Variants in EYS observed in about 807,000 individuals in gnomAD.
EYS encodes protein eyes shut homolog.
In EYS, 250 loss-of-function variants were observed where a neutral mutation model predicts 282.1. The ratio of observed to expected loss-of-function variants is 0.89; its 90% confidence interval spans 0.80 to 0.98. The LOEUF is 0.98. Ranked by LOEUF, EYS falls within the 50% of genes least tolerant of loss-of-function variation. The pLI is 0.00. For missense variants in EYS, 4,016 were observed against 3,709.0 expected (o/e 1.08, Z -2.15); for synonymous variants, 1,355 against 1,282.9 (o/e 1.06, Z -1.20).
At chr6:64,283,735 C>G (rs1031425654) in intron 30 of EYS, among the ~76,000 whole-genome samples, 9 of 152,102 alleles carry the variant, frequency 5.9e-5, no homozygotes, top group Non-Finnish European at 1.3e-4. Flanking sequence ...ATTGGATTTA[C>G]AGTTCCACAT....
chr6:64,664,224 A>C (rs1275200353), intron 22 of EYS, among the ~76,000 whole-genome samples: 2 of 152,172 alleles, frequency 1.3e-5, no homozygotes, highest in Admixed American at 1.3e-4. Context: ...CCCACTCCCC[A>C]CTTAATGGCT....
chr6:64,004,327 T>C (rs1169269651), intron 33 of EYS, among the ~76,000 whole-genome samples: 1 of 152,136 alleles, frequency 6.6e-6, no homozygotes, highest in African/African-American at 2.4e-5. Flanking sequence ...TATGCTTTTA[T>C]AACTTTTCCC....
intron 29 of EYS, among the ~76,000 whole-genome samples, chr6:64,346,038 A>C (rs1771377357): frequency 6.6e-6 from 1 of 152,102 alleles, no homozygotes; most frequent in Non-Finnish European, 1.5e-5. Context: ...TGATCATTAA[A>C]AAGTCAGGAA....
chr6:64,254,969 C>G (rs1460239511), intron 30 of EYS, among the ~76,000 whole-genome samples: 1 of 151,998 alleles, frequency 6.6e-6, no homozygotes, highest in Non-Finnish European at 1.5e-5. Flanking sequence ...ATGACTTGAC[C>G]TACCCAGAAA....
At chr6:64,645,251 A>G (rs551748010) in intron 22 of EYS, among the ~76,000 whole-genome samples, 176 of 152,352 alleles carry the variant, frequency 1.2e-3, no homozygotes, top group African/African-American at 4.1e-3. Flanking sequence ...TGAAAATCAG[A>G]CACTGGAGCA....
At chr6:64,165,867 T>C (rs1245380449) in intron 31 of EYS, among the ~76,000 whole-genome samples, 1 of 152,198 alleles carries the variant, frequency 6.6e-6, no homozygotes, top group Non-Finnish European at 1.5e-5. Context: ...GCAATGTTTA[T>C]ATAAGGCATT....
At chr6:65,294,783 T>A (rs1363723035) in intron 12 of EYS, among the ~76,000 whole-genome samples, 12 of 151,944 alleles carry the variant, frequency 7.9e-5, no homozygotes, top group Admixed American at 7.9e-4. Context: ...AAAGAAATGA[T>A]ATATATCTAT....
At chr6:64,392,897 A>T (rs1012297593) in intron 28 of EYS, among the ~76,000 whole-genome samples, 10 of 151,968 alleles carry the variant, frequency 6.6e-5, no homozygotes, top group African/African-American at 2.4e-4. Context: ...TAATAAAGAA[A>T]AAAAGAGAGA....
chr6:64,742,560 T>C (rs1215306497), intron 22 of EYS, among the ~76,000 whole-genome samples: 3 of 152,154 alleles, frequency 2.0e-5, no homozygotes, highest in Non-Finnish European at 4.4e-5. Context: ...GAGTAGAATT[T>C]ATGTTAAATG....
At chr6:65,484,624 T>C (rs976425315) in intron 5 of EYS, among the ~76,000 whole-genome samples, 2 of 152,206 alleles carry the variant, frequency 1.3e-5, no homozygotes, top group Non-Finnish European at 2.9e-5. Flanking sequence ...CTAATAATGC[T>C]ACTCTTCCAG....
At chr6:65,021,431 G>A (rs1318157252) in intron 13 of EYS, among the ~76,000 whole-genome samples, 1 of 152,138 alleles carries the variant, frequency 6.6e-6, no homozygotes, top group African/African-American at 2.4e-5. Flanking sequence ...GACCACCTCA[G>A]CCTCAACTTT....
chr6:65,563,027 G>T (rs1224772522), intron 2 of EYS, among the ~76,000 whole-genome samples: 1 of 152,098 alleles, frequency 6.6e-6, no homozygotes, highest in African/African-American at 2.4e-5. Context: ...AACACTTACA[G>T]AATTCATACA....
intron 5 of EYS, among the ~76,000 whole-genome samples, chr6:65,407,774 TG>T (rs1766816311): frequency 6.6e-6 from 1 of 151,336 alleles, no homozygotes; most frequent in African/African-American, 2.4e-5. Flanking sequence ...TGTGTGTGTG[TG>T]TGTGTGTGTG....
intron 1 of EYS, among the ~76,000 whole-genome samples, chr6:65,674,845 C>T (rs922947269): frequency 1.2e-4 from 18 of 151,816 alleles, no homozygotes; most frequent in African/African-American, 4.1e-4. Context: ...TCCTTCAATA[C>T]TATAATGGTA....
At chr6:64,764,576 G>A (rs1773263603) in intron 22 of EYS, among the ~76,000 whole-genome samples, 1 of 152,186 alleles carries the variant, frequency 6.6e-6, no homozygotes, top group Admixed American at 6.5e-5. Flanking sequence ...TGCCCTGGAG[G>A]CATTCTCCCT....
rs138304531 is a variant in EYS at position 64,350,438 on chromosome 6, A to G, written c.6078+38252T>C. Reference sequence around the variant, plus strand: ...TACAGTAATTCCTTGTTAACCCACTATCCAGTTATTGCAAATAATTTTGAT... The same window carrying G: ...TACAGTAATTCCTTGTTAACCCACTGTCCAGTTATTGCAAATAATTTTGAT... On this transcript the variant is annotated intron_variant, in intron 29 of 42. Transcript: ENST00000503581. 1.9e-3 allele frequency among the ~76,000 whole-genome samples: 271 copies of G among 141,574 alleles called. 3 individuals are homozygous for G. The East Asian group carries it at 0.029, about 15-fold the overall frequency. The allele number at this position is 141,574 out of a possible 152,430, so 92.9% of individuals were successfully genotyped here.
intron 29 of EYS, among the ~76,000 whole-genome samples, chr6:64,375,297 T>C (rs888794337): frequency 6.6e-6 from 1 of 152,244 alleles, no homozygotes; most frequent in Non-Finnish European, 1.5e-5. Context: ...CTTCATCCAC[T>C]TTACAGAAGC....
chr6:64,148,841 G>A (rs1320671095), intron 31 of EYS, among the ~76,000 whole-genome samples: 5 of 152,056 alleles, frequency 3.3e-5, no homozygotes, highest in Admixed American at 3.3e-4. Context: ...ATAGAACTGA[G>A]AAATGTTACA....
At chr6:63,982,863 G>GA (rs1448113416) in intron 35 of EYS, among the ~76,000 whole-genome samples, 1 of 151,742 alleles carries the variant, frequency 6.6e-6, no homozygotes, top group Non-Finnish European at 1.5e-5. Flanking sequence ...AAGCCTCATG[G>GA]AAAATATTTA....
Sources: allele counts gnomAD v4.1 joint callset (sites outside exome capture counted in the v4.1 genomes callset), GRCh38; gene constraint gnomAD v4.1.1; transcripts MANE v1.5; gene names NCBI Gene and HGNC (gene_info 2026-07-23, HGNC 2026-07-21).